DOK6: variants seen among roughly 807,000 people sequenced by gnomAD.
DOK6 encodes docking protein 6.
A neutral mutation model predicts 44.0 loss-of-function variants in DOK6; 22 were observed. The observed-to-expected ratio is 0.50, with a 90% CI of 0.36 to 0.71. The LOEUF is 0.71. DOK6 is among the 30% of genes least tolerant of loss of function. The pLI is 0.00. For synonymous variants in DOK6, 166 were observed against 145.5 expected, an observed-to-expected ratio of 1.14 and a Z score of -1.01; for missense variants, 340 against 416.4, an observed-to-expected ratio of 0.82 and a Z score of 1.60.
rs191874646 is a variant in DOK6, at chr18:69,807,503, G to A, written c.857-33741G>A. Among the ~76,000 whole-genome samples the A allele has an allele frequency of 1.7e-3, 264 of 152,018 alleles. 1 individual carries two copies. The highest frequency in any genetic ancestry group is 3.4e-3 in the Middle Eastern group (1 of 294). On this transcript the variant is annotated intron_variant, in intron 7 of 7. Coordinates refer to ENST00000382713, the MANE Select transcript of DOK6 (RefSeq NM_152721.6). ...TGTCAATCAAAAACATGGAATGGCT[G>A]AAGGTATTAAAAAGAAAGACACAAC...
intron 1 of DOK6, among the ~76,000 whole-genome samples, chr18:69,536,848 G>A (rs1982135258): frequency 6.6e-6 from 1 of 151,778 alleles, no homozygotes; most frequent in Non-Finnish European, 1.5e-5. Flanking sequence ...TGGTAAACTG[G>A]CCAATATCAT....
At chr18:69,685,005 G>A (rs1986120786) in intron 4 of DOK6, among the ~76,000 whole-genome samples, 11 of 152,084 alleles carry the variant, frequency 7.2e-5, no homozygotes, top group Admixed American at 7.2e-4. Context: ...CAGCTCCTGT[G>A]ACTAAATCAC....
intron 7 of DOK6, among the ~76,000 whole-genome samples, chr18:69,792,186 G>A (rs1294645456): frequency 6.6e-6 from 1 of 152,118 alleles, no homozygotes; most frequent in Non-Finnish European, 1.5e-5. Flanking sequence ...CGAGTAATGT[G>A]ATTCTTCCAG....
At chr18:69,549,461 G>A (rs1982503590) in intron 1 of DOK6, among the ~76,000 whole-genome samples, 1 of 151,476 alleles carries the variant, frequency 6.6e-6, no homozygotes, top group African/African-American at 2.4e-5. Flanking sequence ...CAGATTCCCT[G>A]CTCCCTCTAC....
chr18:69,615,057 T>C (rs1386479889), intron 3 of DOK6, among the ~76,000 whole-genome samples: 3 of 152,132 alleles, frequency 2.0e-5, no homozygotes, highest in South Asian at 2.1e-4. Flanking sequence ...AAATGTAAGA[T>C]AGTAAAACAA....
intron 1 of DOK6, among the ~76,000 whole-genome samples, chr18:69,498,463 T>C (rs1294007591): frequency 1.3e-5 from 2 of 152,192 alleles, no homozygotes; most frequent in African/African-American, 4.8e-5. Flanking sequence ...AATAATTTGA[T>C]ATGATAAGGA....
intron 2 of DOK6, among the ~76,000 whole-genome samples, chr18:69,566,182 G>A (rs1235421317): frequency 6.6e-6 from 1 of 152,062 alleles, no homozygotes; most frequent in Non-Finnish European, 1.5e-5. Flanking sequence ...CTGTCACCCA[G>A]GCTGGAATGC....
At chr18:69,425,445 C>T (rs2122414358) in intron 1 of DOK6, among the ~76,000 whole-genome samples, 1 of 151,892 alleles carries the variant, frequency 6.6e-6, no homozygotes, top group South Asian at 2.1e-4. Flanking sequence ...TTAATATACC[C>T]TTTTTCCCTG....
intron 7 of DOK6, among the ~76,000 whole-genome samples, chr18:69,818,181 G>A (rs937560319): frequency 1.3e-5 from 2 of 152,100 alleles, no homozygotes; most frequent in African/African-American, 4.8e-5. Context: ...CTGCGAACAG[G>A]GGGCATTTTG....
intron 1 of DOK6, among the ~76,000 whole-genome samples, chr18:69,545,111 C>T (rs1224853631): frequency 4.0e-5 from 2 of 50,216 alleles, no homozygotes; most frequent in Admixed American, 5.1e-4. Context: ...CAGAGCGAGA[C>T]ACCATAAAAA....
At chr18:69,606,073 A>G (rs960649544) in intron 3 of DOK6, among the ~76,000 whole-genome samples, 16 of 152,160 alleles carry the variant, frequency 1.1e-4, no homozygotes, top group Non-Finnish European at 7.4e-5. Flanking sequence ...GGAGTTCAGG[A>G]TCATCCCAGG....
chr18:69,824,195 C>CA (rs1981667745), intron 7 of DOK6, among the ~76,000 whole-genome samples: 2 of 26,508 alleles, frequency 7.5e-5, no homozygotes, highest in Non-Finnish European at 1.3e-4. Context: ...TCCCTCCCCC[C>CA]TCCCCCCACC....
intron 1 of DOK6, among the ~76,000 whole-genome samples, chr18:69,447,053 A>G (rs1169551706): frequency 7.2e-5 from 11 of 152,216 alleles, no homozygotes; most frequent in Admixed American, 5.9e-4. Flanking sequence ...AAGCTTGTTA[A>G]TTTAATTAGA....
At chr18:69,796,360 C>A (rs561857438) in intron 7 of DOK6, among the ~76,000 whole-genome samples, 2 of 152,208 alleles carry the variant, frequency 1.3e-5, no homozygotes, top group Non-Finnish European at 2.9e-5. Context: ...GCCCTCCTTG[C>A]CCATTCCTTC....
chr18:69,653,792 A>G (rs1295513367), intron 3 of DOK6, among the ~76,000 whole-genome samples: 1 of 152,186 alleles, frequency 6.6e-6, no homozygotes, highest in Non-Finnish European at 1.5e-5. Context: ...GATAAACATC[A>G]TTGAGATCCT....
At chr18:69,584,057 G>A (rs1484169059) in intron 2 of DOK6, among the ~76,000 whole-genome samples, 2 of 143,312 alleles carry the variant, frequency 1.4e-5, no homozygotes, top group Admixed American at 7.3e-5. Flanking sequence ...GCAGTGAGCC[G>A]AGATCGCGCC....
At chr18:69,825,054 T>C (rs1402509994) in intron 7 of DOK6, among the ~76,000 whole-genome samples, 1 of 152,210 alleles carries the variant, frequency 6.6e-6, no homozygotes, top group East Asian at 1.9e-4. Flanking sequence ...ATCTATAATG[T>C]AGAGAGAGAA....
intron 6 of DOK6, among the ~76,000 whole-genome samples, chr18:69,745,347 A>C (rs141171288): frequency 2.2e-4 from 34 of 152,372 alleles, no homozygotes; most frequent in African/African-American, 7.7e-4. Flanking sequence ...TAGTTTTCTT[A>C]AATGAAAATA....
chr18:69,761,799 C>T (rs1320134931), intron 7 of DOK6, among the ~76,000 whole-genome samples: 2 of 152,216 alleles, frequency 1.3e-5, no homozygotes, highest in Non-Finnish European at 2.9e-5. Context: ...GCTCAATGGC[C>T]ACTAGGAAGG....
Sources: allele counts gnomAD v4.1 joint callset (sites outside exome capture counted in the v4.1 genomes callset), GRCh38; gene constraint gnomAD v4.1.1; transcripts MANE v1.5; gene names NCBI Gene and HGNC (gene_info 2026-07-23, HGNC 2026-07-21).